Variants in SH3GL3 observed in about 807,000 individuals in gnomAD.
SH3GL3 encodes endophilin-A3.
A neutral mutation model predicts 47.7 loss-of-function variants in SH3GL3; 33 were observed. That is an observed-to-expected ratio of 0.69 (90% CI 0.52 to 0.92). SH3GL3 has a LOEUF of 0.92. Among genes scored for constraint, SH3GL3 ranks in the 40% least tolerant of loss-of-function variants. The pLI, the probability that SH3GL3 is intolerant of heterozygous loss-of-function variation, is 0.00. For synonymous variants in SH3GL3, 155 were observed against 148.8 expected (o/e 1.04, Z -0.30); for missense variants, 363 against 417.8 (o/e 0.87, Z 1.14).
chr15:83,559,284 G>A lies in SH3GL3; in HGVS notation c.77G>A (p.Gly26Glu). ...AGTGAAAAAATAAGTGGTGCTGAAGGAACTAAACTAGACGATGAATTTCTT... is the reference window on the plus strand; with the variant it reads ...AGTGAAAAAATAAGTGGTGCTGAAGAAACTAAACTAGACGATGAATTTCTT... ...LFSEKISGAEGTKLDDEFLDM... is the reference protein window; with the variant it reads ...LFSEKISGAEETKLDDEFLDM... Residue 26 changes from glycine to glutamate, a missense_variant, in exon 2 of 9, where the codon GGA becomes GAA. Gly to Glu is a moderately conservative substitution (Grantham distance 98). Transcript: ENST00000427482. 1 of 1,592,530 alleles carries A rather than the reference G, an allele frequency of 6.3e-7. No homozygotes were observed. The highest frequency in any genetic ancestry group is 8.6e-7 in the Non-Finnish European group (1 of 1,160,360).
At chr15:83,579,382 G>T (rs1388505364) in intron 6 of SH3GL3, among the ~76,000 whole-genome samples, 1 of 152,162 alleles carries the variant, frequency 6.6e-6, no homozygotes, top group Non-Finnish European at 1.5e-5. Flanking sequence ...GGATCCTGGG[G>T]TCTTCACCTT....
At chr15:83,582,118 C>G (rs1319333841) in intron 6 of SH3GL3, among the ~76,000 whole-genome samples, 1 of 152,234 alleles carries the variant, frequency 6.6e-6, no homozygotes, top group Admixed American at 6.5e-5. Flanking sequence ...ACTATATCAC[C>G]CATAGGCTTG....
In SH3GL3 at chr15:83,514,133, G is replaced by A. The variant is rs143922934; in HGVS notation, c.46-45120G>A. Among the ~76,000 whole-genome samples the A allele has an allele frequency of 7.6e-3, 1,159 of 152,244 alleles. 14 individuals carry two copies. Among genetic ancestry groups the A allele is most frequent in the African/African-American group, 0.026 (1,093 of 41,534 alleles). The stretch of plus-strand genomic sequence containing the variant: ...GCAAAAATCTCAGTGCCTAGAGTTT[G>A]GCATAATATTATGTGAAAAATAATT... On this transcript the variant is annotated intron_variant, in intron 1 of 8. Transcript: ENST00000427482.
intron 8 of SH3GL3, among the ~76,000 whole-genome samples, chr15:83,612,774 C>T (rs1352562192): frequency 6.6e-6 from 1 of 152,130 alleles, no homozygotes; most frequent in Non-Finnish European, 1.5e-5. Context: ...CAGGAAACAG[C>T]TCCTCCCTCT....
At chr15:83,484,160 T>C (rs2041493152) in intron 1 of SH3GL3, among the ~76,000 whole-genome samples, 1 of 152,238 alleles carries the variant, frequency 6.6e-6, no homozygotes, top group African/African-American at 2.4e-5. Flanking sequence ...CTCAGAATGA[T>C]ACAAATATTA....
Position 83,507,328 on chromosome 15 carries a change from G to T in SH3GL3, c.46-51925G>T, listed in dbSNP as rs537754241. On this transcript the variant is annotated intron_variant, in intron 1 of 8. Coordinates refer to ENST00000427482, the MANE Select transcript of SH3GL3 (RefSeq NM_003027.5). ...CGGCCTGTGTACACTTCTTTTTAAT[G>T]AATGATCTTTACTGATATCTTTTGT... is the stretch of plus-strand genomic sequence containing the variant. 4.0e-5 allele frequency among the ~76,000 whole-genome samples: 6 copies of T among 151,700 alleles called. No individual in the cohort carries two copies. The South Asian group carries it at 1.3e-3, about 32-fold the overall frequency.
chr15:83,576,048 C>G (rs2059667038), intron 5 of SH3GL3, among the ~76,000 whole-genome samples: 2 of 152,120 alleles, frequency 1.3e-5, no homozygotes, highest in Admixed American at 6.5e-5. Flanking sequence ...GTCTGTGAAT[C>G]TCTCTCCTTT....
At position 83,565,187 on chromosome 15, in the gene SH3GL3, A is replaced by G. The variant is rs1394092113; in HGVS notation, c.168A>G (p.Glu56=). The G allele has an allele frequency of 2.5e-6, 4 of 1,580,500 alleles. No individual in the cohort carries two copies. The highest frequency in any genetic ancestry group is 1.7e-5 in the Admixed American group (1 of 59,126). The part of the protein sequence containing the change: ...VVAEILSKTT[E]YLQPNPAYRA... Reference sequence around the variant, plus strand: ...CAGAAATTCTTTCAAAAACCACTGAATATCTTCAGCCAAATCCAGGTAAAG... The same window carrying G: ...CAGAAATTCTTTCAAAAACCACTGAGTATCTTCAGCCAAATCCAGGTAAAG... Residue 56 remains glutamate, a synonymous_variant, in exon 3 of 9, where the codon GAA becomes GAG. Coordinates refer to ENST00000427482, the MANE Select transcript of SH3GL3 (RefSeq NM_003027.5).
intron 1 of SH3GL3, among the ~76,000 whole-genome samples, chr15:83,481,692 A>T (rs1049572751): frequency 6.6e-6 from 1 of 152,224 alleles, no homozygotes; most frequent in African/African-American, 2.4e-5. Flanking sequence ...GTTTTTAGAG[A>T]CTAAAGGATT....
intron 2 of SH3GL3, among the ~76,000 whole-genome samples, chr15:83,559,537 C>T (rs191495522): frequency 2.0e-4 from 30 of 152,226 alleles, no homozygotes; most frequent in African/African-American, 7.2e-4. Flanking sequence ...GTAATGAGAT[C>T]GATGTGGCTA....
At chr15:83,622,023 A>G (rs1278992206), downstream of SH3GL3, among the ~76,000 whole-genome samples, 2 of 152,160 alleles carry the variant, frequency 1.3e-5, no homozygotes, top group Non-Finnish European at 2.9e-5. Flanking sequence ...TTTTACATTC[A>G]GTGTCTGTAA....
At chr15:83,544,302 T>C (rs992933963) in intron 1 of SH3GL3, among the ~76,000 whole-genome samples, 1 of 152,150 alleles carries the variant, frequency 6.6e-6, no homozygotes, top group African/African-American at 2.4e-5. Flanking sequence ...TTAATTTTCA[T>C]GTGTTCGTAT....
chr15:83,567,717 C>T (rs890618780), intron 3 of SH3GL3, among the ~76,000 whole-genome samples: 6 of 151,736 alleles, frequency 4.0e-5, no homozygotes, highest in Non-Finnish European at 8.8e-5. Flanking sequence ...TGTGTGTGTG[C>T]GTGCGCGCGC....
At chr15:83,567,730 G>A (rs1201489781) in intron 3 of SH3GL3, among the ~76,000 whole-genome samples, 1 of 152,112 alleles carries the variant, frequency 6.6e-6, no homozygotes, top group African/African-American at 2.4e-5. Flanking sequence ...GCGCGCGCAT[G>A]TGGTGTGTGT....
intron 6 of SH3GL3, among the ~76,000 whole-genome samples, chr15:83,585,051 G>A (rs1274994430): frequency 1.3e-5 from 2 of 152,204 alleles, no homozygotes; most frequent in Non-Finnish European, 2.9e-5. Flanking sequence ...TGACCTGGGG[G>A]ACAGCTGGAA....
intron 1 of SH3GL3, among the ~76,000 whole-genome samples, chr15:83,541,123 C>A (rs2044131851): frequency 6.6e-6 from 1 of 151,980 alleles, no homozygotes; most frequent in Admixed American, 6.6e-5. Flanking sequence ...GGATCTCATT[C>A]TTTTTTATGG....
chr15:83,459,083 C>T (rs1350762795), intron 1 of SH3GL3, among the ~76,000 whole-genome samples: 1 of 152,214 alleles, frequency 6.6e-6, no homozygotes, highest in Non-Finnish European at 1.5e-5. Context: ...TCCAAGAGTC[C>T]AAAAGCTGAA....
At chr15:83,517,727 C>T (rs2043044745) in intron 1 of SH3GL3, among the ~76,000 whole-genome samples, 1 of 151,718 alleles carries the variant, frequency 6.6e-6, no homozygotes, top group Non-Finnish European at 1.5e-5. Context: ...TTGCAGATCT[C>T]TCTCTCTTCT....
At chr15:83,493,831 A>G (rs971254134) in intron 1 of SH3GL3, among the ~76,000 whole-genome samples, 1 of 152,186 alleles carries the variant, frequency 6.6e-6, no homozygotes, top group African/African-American at 2.4e-5. Flanking sequence ...TCCTGTAAAG[A>G]GTCTTCAGCA....
Sources: allele counts gnomAD v4.1 joint callset (sites outside exome capture counted in the v4.1 genomes callset), GRCh38; gene constraint gnomAD v4.1.1; transcripts MANE v1.5; gene names NCBI Gene and HGNC (gene_info 2026-07-23, HGNC 2026-07-21).